Variants in ANK2 observed in about 807,000 individuals in gnomAD.
ANK2 encodes ankyrin-2.
ANK2 carries 83 observed loss-of-function variants against 360.5 expected under a neutral mutation model. That is an observed-to-expected ratio of 0.23 (90% CI 0.19 to 0.28). The LOEUF is 0.28. ANK2 is among the 10% of genes least tolerant of loss of function. The pLI, the probability that ANK2 is intolerant of heterozygous loss-of-function variation, is 1.00. For missense variants in ANK2, 4,201 were observed against 4,795.7 expected, an observed-to-expected ratio of 0.88 and a Z score of 3.66; for synonymous variants, 1,740 against 1,759.5, an observed-to-expected ratio of 0.99 and a Z score of 0.28.
intron 1 of ANK2, among the ~76,000 whole-genome samples, chr4:113,085,320 T>TC (rs1480170625): frequency 6.6e-6 from 1 of 152,000 alleles, no homozygotes; most frequent in Non-Finnish European, 1.5e-5. Context: ...CTTTTCTTTT[T>TC]CTTTTTTTTT....
At chr4:112,785,984 GC>G in the ANK2 span, among the ~76,000 whole-genome samples, 1 of 151,982 alleles carries the variant, frequency 6.6e-6, no homozygotes, top group Non-Finnish European at 1.5e-5. Context: ...GGGATTACAG[GC>G]ACGTGCCACT....
At chr4:112,719,847 T>G in the ANK2 span, among the ~76,000 whole-genome samples, 2 of 151,482 alleles carry the variant, frequency 1.3e-5, no homozygotes, top group South Asian at 2.1e-4. Flanking sequence ...CAACCTAAGA[T>G]AGAAAGGGAA....
the ANK2 span, among the ~76,000 whole-genome samples, chr4:112,761,543 C>A: frequency 6.6e-6 from 1 of 152,174 alleles, no homozygotes; most frequent in East Asian, 1.9e-4. Flanking sequence ...TCGCTTGAAC[C>A]AGGGAGGCGG....
chr4:112,770,052 T>C, the ANK2 span, among the ~76,000 whole-genome samples: 2 of 152,210 alleles, frequency 1.3e-5, no homozygotes, highest in African/African-American at 4.8e-5. Flanking sequence ...TTTCTCTTTA[T>C]ATGTATCCTG....
At chr4:113,238,590 A>G (rs2099401840) in intron 7 of ANK2, among the ~76,000 whole-genome samples, 1 of 152,196 alleles carries the variant, frequency 6.6e-6, no homozygotes, top group Admixed American at 6.5e-5. Context: ...TAATTTCAAT[A>G]CCTTTAATTT....
intron 17 of ANK2, among the ~76,000 whole-genome samples, chr4:113,281,311 G>C (rs1362280092): frequency 6.6e-6 from 1 of 152,134 alleles, no homozygotes; most frequent in African/African-American, 2.4e-5. Flanking sequence ...GCCAAGGTGG[G>C]CAGATCGCTT....
rs1399836619 is a variant in ANK2 at position 113,104,646 on chromosome 4, C to T, written c.84+54834C>T. On this transcript the variant is annotated intron_variant, in intron 1 of 45. Coordinates refer to ENST00000357077, the MANE Select transcript of ANK2 (RefSeq NM_001148.6). ...ACGAGAATCGCTTGAACCCAGGAGG[C>T]AGAGGTTGCAGTTAGCTGAGATTGT... is the stretch of plus-strand genomic sequence containing the variant. Among the ~76,000 whole-genome samples, 5 of 152,270 alleles carry T rather than the reference C, an allele frequency of 3.3e-5. No individual in the cohort carries two copies. In the East Asian group the frequency reaches 9.7e-4, roughly 29 times the overall value.
At chr4:113,327,019 G>GT (rs769059966) in intron 26 of ANK2, among the ~76,000 whole-genome samples, 15 of 151,986 alleles carry the variant, frequency 9.9e-5, no homozygotes, top group Non-Finnish European at 1.8e-4. Flanking sequence ...AAAAAAAATT[G>GT]TTTTTTCTCT....
intron 2 of ANK2, among the ~76,000 whole-genome samples, chr4:113,003,251 G>T (rs761674589): frequency 2.6e-5 from 4 of 152,102 alleles, no homozygotes; most frequent in Admixed American, 1.3e-4. Flanking sequence ...TAATTGCAAG[G>T]TCTCAAAAGA....
At chr4:113,370,710 A>G (rs2096706821) in intron 43 of ANK2, among the ~76,000 whole-genome samples, 1 of 152,228 alleles carries the variant, frequency 6.6e-6, no homozygotes, top group Admixed American at 6.5e-5. Flanking sequence ...CAGTGAGCCA[A>G]GATCATACCA....
intron 13 of ANK2, among the ~76,000 whole-genome samples, chr4:113,259,227 CA>C: frequency 6.6e-6 from 1 of 152,206 alleles, no homozygotes; most frequent in Non-Finnish European, 1.5e-5. Context: ...CTTCTTTGCA[CA>C]AGGTGCAGGC....
chr4:113,126,809 C>A (rs140987119), intron 1 of ANK2, among the ~76,000 whole-genome samples: 1 of 152,154 alleles, frequency 6.6e-6, no homozygotes, highest in Non-Finnish European at 1.5e-5. Context: ...TATTTTAGAA[C>A]TTTCAGCTTT....
chr4:112,916,258 T>A lies in ANK2; in HGVS notation c.21+11744T>A, dbSNP rs117950417. 4.4e-3 allele frequency among the ~76,000 whole-genome samples: 664 copies of A among 152,324 alleles called. 16 individuals carry two copies. The highest frequency in any genetic ancestry group is 0.035 in the Admixed American group (530 of 15,290). ...GGCTAATATTAAACCTAATAGTTTA[T>A]GGATATAAGTGACAAAAATCTGCCT... On this transcript the variant is annotated intron_variant, in intron 2 of 30. Transcript: ENST00000503271.
chr4:113,366,115 G>C (rs1334763639), intron 41 of ANK2, among the ~76,000 whole-genome samples: 1 of 152,044 alleles, frequency 6.6e-6, no homozygotes, highest in Non-Finnish European at 1.5e-5. Context: ...TGTCCCCCCT[G>C]TATTATTGCT....
intron 23 of ANK2, among the ~76,000 whole-genome samples, chr4:113,310,894 G>C (rs1188454580): frequency 6.6e-6 from 1 of 152,174 alleles, no homozygotes; most frequent in Non-Finnish European, 1.5e-5. Flanking sequence ...TTTTCTGAAA[G>C]TAATGTAGGC....
chr4:113,133,507 A>G (rs1230093025), intron 1 of ANK2, among the ~76,000 whole-genome samples: 1 of 152,194 alleles, frequency 6.6e-6, no homozygotes. Flanking sequence ...CAGACCCCAG[A>G]TGCCAGATTC....
At chr4:112,908,698 T>C (rs182982245) in intron 2 of ANK2, among the ~76,000 whole-genome samples, 75 of 152,314 alleles carry the variant, frequency 4.9e-4, no homozygotes, top group Admixed American at 1.8e-3. Context: ...GCTGTTAATA[T>C]TGAGGTCAGA....
At chr4:112,875,540 T>G (rs1334270551) in intron 1 of ANK2, among the ~76,000 whole-genome samples, 1 of 151,762 alleles carries the variant, frequency 6.6e-6, no homozygotes, top group Non-Finnish European at 1.5e-5. Flanking sequence ...CTTACTATTT[T>G]GTGCAGGCAG....
intron 1 of ANK2, among the ~76,000 whole-genome samples, chr4:113,137,407 A>G (rs1231238997): frequency 6.6e-6 from 1 of 152,194 alleles, no homozygotes; most frequent in Non-Finnish European, 1.5e-5. Flanking sequence ...CTTGGGCAGC[A>G]AGGTGTATAG....
Sources: allele counts gnomAD v4.1 joint callset (sites outside exome capture counted in the v4.1 genomes callset), GRCh38; gene constraint gnomAD v4.1.1; transcripts MANE v1.5; gene names NCBI Gene and HGNC (gene_info 2026-07-23, HGNC 2026-07-21).